The following CCDC170 variants were observed in gnomAD, a reference collection of about 807,000 sequenced individuals.
The protein encoded by CCDC170 is coiled-coil domain containing 170, also known as coiled-coil domain-containing protein 170.
A neutral mutation model predicts 72.6 loss-of-function variants in CCDC170; 69 were observed. The observed-to-expected ratio is 0.95, with a 90% confidence interval of 0.78 to 1.16. The LOEUF (loss-of-function observed/expected upper bound fraction) is 1.16. Among genes scored for constraint, CCDC170 ranks in the 50% most tolerant of loss-of-function variants. CCDC170 has a pLI of 0.00. For missense variants in CCDC170, 852 were observed against 832.5 expected, an observed-to-expected ratio of 1.02 and a Z score of -0.29; for synonymous variants, 300 against 303.9, an observed-to-expected ratio of 0.99 and a Z score of 0.13.
rs1368817591 is a variant in CCDC170, at chr6:151,548,378, T to C, written c.663T>C (p.His221=). Residue 221 remains histidine, a synonymous_variant, in exon 5 of 11, where the codon CAT becomes CAC. Coordinates refer to ENST00000239374, the MANE Select transcript of CCDC170 (RefSeq NM_025059.4). ...IVILEETINV[H]EMEAKASRET... ...TTCTTGAAGAGACTATAAATGTCCA[T>C]GAGATGGAAGCAAAAGCTAGCAGAG... is the stretch of plus-strand genomic sequence containing the variant. 6.2e-7 allele frequency: 1 copy of C among 1,612,872 alleles called. No individual in the cohort carries two copies. Among genetic ancestry groups the C allele is most frequent in the African/African-American group, 1.3e-5 (1 of 75,004 alleles).
intron 7 of CCDC170, among the ~76,000 whole-genome samples, chr6:151,586,867 C>T (rs921573693): frequency 1.9e-4 from 29 of 152,036 alleles, no homozygotes; most frequent in African/African-American, 6.3e-4. Context: ...TCACTGCAAC[C>T]TCTGCCTCCT....
chr6:151,611,013 G>T (rs955822730), intron 9 of CCDC170, among the ~76,000 whole-genome samples: 1 of 152,110 alleles, frequency 6.6e-6, no homozygotes, highest in Admixed American at 6.6e-5. Flanking sequence ...GTCTAGAAAG[G>T]TGTCTTAGTC....
At chr6:151,511,287 A>G (rs1005715100) in intron 1 of CCDC170, among the ~76,000 whole-genome samples, 4 of 152,122 alleles carry the variant, frequency 2.6e-5, no homozygotes, top group African/African-American at 9.7e-5. Context: ...CTAGGGGGCT[A>G]TTGTTTGCCC....
At chr6:151,531,923 T>G in intron 1 of CCDC170, among the ~76,000 whole-genome samples, 1 of 152,224 alleles carries the variant, frequency 6.6e-6, no homozygotes, top group Non-Finnish European at 1.5e-5. Context: ...TACCTCCTGC[T>G]GAATCCCTCC....
At chr6:151,508,476 T>G (rs1782095652) in intron 1 of CCDC170, among the ~76,000 whole-genome samples, 1 of 152,040 alleles carries the variant, frequency 6.6e-6, no homozygotes, top group African/African-American at 2.4e-5. Context: ...AGGCAGAGGT[T>G]GCAGTGAGCA....
chr6:151,543,210 CA>C (rs1476447771), intron 3 of CCDC170, among the ~76,000 whole-genome samples: 8 of 152,130 alleles, frequency 5.3e-5, no homozygotes, highest in Non-Finnish European at 7.4e-5. Context: ...ACTATTTCAA[CA>C]AACCTATCTG....
intron 1 of CCDC170, among the ~76,000 whole-genome samples, chr6:151,529,550 G>A (rs12055370): frequency 0.14 from 21,426 of 152,056 alleles, 1,951 homozygotes; most frequent in East Asian, 0.45. Context: ...TCAGCTACTC[G>A]GGAGGCTGAG....
At chr6:151,563,129 A>C (rs1218503568) in intron 5 of CCDC170, among the ~76,000 whole-genome samples, 2 of 152,092 alleles carry the variant, frequency 1.3e-5, no homozygotes, top group South Asian at 2.1e-4. Context: ...GGATGGTGCC[A>C]TTCTGTGTAG....
intron 1 of CCDC170, among the ~76,000 whole-genome samples, chr6:151,513,330 A>T (rs1411949173): frequency 6.6e-6 from 1 of 152,042 alleles, no homozygotes; most frequent in African/African-American, 2.4e-5. Flanking sequence ...AATGCATCAG[A>T]CAGGGATGGT....
At chr6:151,583,789 C>CAATGTAATAA (rs1776412549) in intron 6 of CCDC170, among the ~76,000 whole-genome samples, 1 of 152,086 alleles carries the variant, frequency 6.6e-6, no homozygotes, top group Non-Finnish European at 1.5e-5. Flanking sequence ...AACTTAGAGG[C>CAATGTAATAA]CATTGTAAGG....
chr6:151,494,527 T>C (rs1781881207), intron 1 of CCDC170, among the ~76,000 whole-genome samples: 1 of 152,214 alleles, frequency 6.6e-6, no homozygotes. Context: ...CCTGCTTAGC[T>C]ACTGAAGTGT....
intron 4 of CCDC170, 28 bp downstream of exon 4, chr6:151,544,744 T>A (rs752493890): frequency 1.3e-5 from 20 of 1,586,402 alleles, no homozygotes; most frequent in Non-Finnish European, 1.7e-5. Flanking sequence ...AAAAAGTCTA[T>A]AAATGTAGTG....
rs1419821460 is a variant in CCDC170, at chr6:151,556,283, CCATCTCT to C, written c.774+7795_774+7801del. Among the ~76,000 whole-genome samples the C allele has an allele frequency of 2.4e-4, 36 of 152,018 alleles. 1 individual carries two copies. Among genetic ancestry groups the C allele is most frequent in the Admixed American group, 2.0e-3 (31 of 15,250 alleles). ...CCAGCCTGGTCAACATGGTGAAACC[CCATCTCT>C]ACCAAAAGCACAAAAATTAGCTGGG... On this transcript the variant is annotated intron_variant, in intron 5 of 10. Coordinates refer to ENST00000239374, the MANE Select transcript of CCDC170 (RefSeq NM_025059.4).
At chr6:151,577,301 C>T (rs147158773) in intron 6 of CCDC170, among the ~76,000 whole-genome samples, 178 of 152,140 alleles carry the variant, frequency 1.2e-3, no homozygotes, top group African/African-American at 3.9e-3. Flanking sequence ...GCCTAATGTC[C>T]GCCGGGGGTC....
chr6:151,609,803 C>T (rs1776841950), intron 9 of CCDC170, among the ~76,000 whole-genome samples: 3 of 152,268 alleles, frequency 2.0e-5, no homozygotes, highest in South Asian at 2.1e-4. Flanking sequence ...TGGCTTGGCT[C>T]GGAGCTCCAT....
intron 4 of CCDC170, among the ~76,000 whole-genome samples, chr6:151,545,460 T>C (rs1782757181): frequency 6.6e-6 from 1 of 152,090 alleles, no homozygotes; most frequent in Admixed American, 6.6e-5. Flanking sequence ...ACTTTAATGG[T>C]AGATTACCAT....
intron 5 of CCDC170, among the ~76,000 whole-genome samples, chr6:151,554,879 T>TG (rs1341215154): frequency 7.1e-6 from 1 of 140,380 alleles, no homozygotes; most frequent in African/African-American, 2.7e-5. Flanking sequence ...TCAGTTTTTT[T>TG]TTTTTTTTTT....
intron 9 of CCDC170, among the ~76,000 whole-genome samples, chr6:151,603,475 C>T (rs1222596078): frequency 1.3e-5 from 2 of 152,130 alleles, no homozygotes; most frequent in African/African-American, 4.8e-5. Flanking sequence ...ACAAACATAG[C>T]CTTATACACA....
intron 9 of CCDC170, 35 bp from the exon 10 acceptor site, chr6:151,615,408 C>T (rs1357485863): frequency 7.0e-7 from 1 of 1,431,586 alleles, no homozygotes. Flanking sequence ...TAACTAAATA[C>T]AAAAGGAGTT....
Sources: gnomAD v4.1 joint callset for allele counts (sites outside exome capture counted in the v4.1 genomes callset) on GRCh38, gnomAD v4.1.1 for gene constraint, MANE v1.5 for transcripts, NCBI Gene and HGNC (gene_info 2026-07-23, HGNC 2026-07-21) for gene names.